ZFAT: variants seen among roughly 807,000 people sequenced by gnomAD.
ZFAT encodes zinc finger and AT-hook domain containing.
In ZFAT, 64 loss-of-function variants were observed where a neutral mutation model predicts 117.7. The observed-to-expected ratio is 0.54, with a 90% CI of 0.44 to 0.67. ZFAT has a LOEUF of 0.67. Among genes scored for constraint, ZFAT ranks in the 30% least tolerant of loss-of-function variants. The pLI is 0.00. For missense variants in ZFAT, 1,433 were observed against 1,584.5 expected, an observed-to-expected ratio of 0.90 and a Z score of 1.62; for synonymous variants, 679 against 615.0, an observed-to-expected ratio of 1.10 and a Z score of -1.54.
At chr8:134,540,292 C>A (rs1822157562) in intron 11 of ZFAT, among the ~76,000 whole-genome samples, 1 of 152,180 alleles carries the variant, frequency 6.6e-6, no homozygotes, top group South Asian at 2.1e-4. Context: ...GGAACTCGAT[C>A]TCCTTCCTCT....
chr8:134,643,701 C>T (rs772793503), intron 2 of ZFAT, among the ~76,000 whole-genome samples: 2 of 152,184 alleles, frequency 1.3e-5, no homozygotes, highest in East Asian at 1.9e-4. Flanking sequence ...CTGTGTGCTC[C>T]GGCACTGGCT....
At chr8:134,813,838 ACG>A in the ZFAT span, among the ~76,000 whole-genome samples, 152 of 145,198 alleles carry the variant, frequency 1.0e-3, no homozygotes, top group African/African-American at 3.8e-3. Flanking sequence ...ACACACACAC[ACG>A]TCAAAGATAC....
chr8:134,712,739 G>GGCGCGGCCGGC, intron 1 of ZFAT, 106 bp downstream of exon 1: 1 of 1,135,924 alleles, frequency 8.8e-7, no homozygotes, highest in Non-Finnish European at 1.2e-6. Flanking sequence ...GCCGGCGGCC[G>GGCGCGGCCGGC]GCGGCCGGCG....
intron 12 of ZFAT, among the ~76,000 whole-genome samples, chr8:134,531,701 C>T (rs890817779): frequency 1.3e-5 from 2 of 152,176 alleles, no homozygotes; most frequent in Non-Finnish European, 2.9e-5. Flanking sequence ...ATTAAGAAAA[C>T]GAAGGCACAT....
intron 7 of ZFAT, among the ~76,000 whole-genome samples, chr8:134,593,007 A>G (rs1258639405): frequency 1.3e-5 from 2 of 152,198 alleles, no homozygotes; most frequent in Non-Finnish European, 2.9e-5. Context: ...ACAGATCCCC[A>G]CACAGGCTAC....
the ZFAT span, among the ~76,000 whole-genome samples, chr8:134,815,701 T>C: frequency 1.4e-3 from 215 of 152,236 alleles, no homozygotes; most frequent in Non-Finnish European, 1.2e-3. Context: ...CTTTGCACTA[T>C]CTCTTCTCTC....
chr8:134,807,807 C>T, the ZFAT span, among the ~76,000 whole-genome samples: 6 of 151,270 alleles, frequency 4.0e-5, no homozygotes, highest in Admixed American at 4.0e-4. Flanking sequence ...CTCTATATAT[C>T]CAATGTTAAA....
chr8:134,714,841 C>A (rs568919614), upstream of ZFAT, among the ~76,000 whole-genome samples: 309 of 152,128 alleles, frequency 2.0e-3, 1 homozygote, highest in African/African-American at 7.2e-3. Flanking sequence ...TGTACCCAAA[C>A]TGCCCCCCAG....
chr8:134,505,454 T>C (rs1373013018), intron 15 of ZFAT, among the ~76,000 whole-genome samples: 2 of 152,166 alleles, frequency 1.3e-5, no homozygotes. Flanking sequence ...TGTTGCCTTA[T>C]ATAGCAAAGA....
At chr8:134,696,826 A>C (rs1163787617) in intron 1 of ZFAT, among the ~76,000 whole-genome samples, 1 of 152,226 alleles carries the variant, frequency 6.6e-6, no homozygotes, top group Non-Finnish European at 1.5e-5. Flanking sequence ...GCAGGCGAGA[A>C]GCGCCCAGCG....
chr8:134,781,924 C>T, the ZFAT span, among the ~76,000 whole-genome samples: 4 of 152,110 alleles, frequency 2.6e-5, no homozygotes, highest in Admixed American at 2.0e-4. Flanking sequence ...ATATAGCATA[C>T]CAAGTATGTG....
intron 15 of ZFAT, among the ~76,000 whole-genome samples, chr8:134,491,110 A>G (rs746821402): frequency 6.6e-6 from 1 of 152,390 alleles, no homozygotes; most frequent in Non-Finnish European, 1.5e-5. Flanking sequence ...ATAAAAATAA[A>G]CAATAACAAC....
the ZFAT span, among the ~76,000 whole-genome samples, chr8:134,830,152 G>A: frequency 2.1e-3 from 321 of 152,242 alleles, no homozygotes; most frequent in Admixed American, 3.3e-3. Context: ...GTGTTGATTT[G>A]TCCAATTCTA....
intron 11 of ZFAT, among the ~76,000 whole-genome samples, chr8:134,556,047 G>GGAAC (rs1440688389): frequency 2.4e-5 from 2 of 83,596 alleles, no homozygotes; most frequent in African/African-American, 9.2e-5. Context: ...AAGGAAGGAA[G>GGAAC]GAAGGAAGGA....
intron 3 of ZFAT, among the ~76,000 whole-genome samples, chr8:134,620,957 C>T (rs1291203599): frequency 6.6e-6 from 1 of 152,144 alleles, no homozygotes; most frequent in East Asian, 1.9e-4. Context: ...AATGAACCCT[C>T]TTCAAATATC....
intron 1 of ZFAT, among the ~76,000 whole-genome samples, chr8:134,701,678 T>C (rs1158145807): frequency 6.6e-6 from 1 of 152,244 alleles, no homozygotes; most frequent in African/African-American, 2.4e-5. Flanking sequence ...TGTTGTCTTT[T>C]GTGTCTGGCT....
At chr8:134,497,919 G>A (rs1459812384) in intron 15 of ZFAT, among the ~76,000 whole-genome samples, 372 of 135,784 alleles carry the variant, frequency 2.7e-3, no homozygotes, top group African/African-American at 9.6e-3. Context: ...GGGTGGAGCC[G>A]TGATGCCCCT....
chr8:134,502,967 C>G (rs1819105960), intron 15 of ZFAT, among the ~76,000 whole-genome samples: 2 of 152,240 alleles, frequency 1.3e-5, no homozygotes, highest in South Asian at 4.1e-4. Flanking sequence ...GGCACTAAAA[C>G]TGGCAGGCAG....
intron 1 of ZFAT, among the ~76,000 whole-genome samples, chr8:134,659,940 A>G (rs1407128426): frequency 6.6e-6 from 1 of 152,238 alleles, no homozygotes; most frequent in Non-Finnish European, 1.5e-5. Context: ...AACACATGAA[A>G]TCAAAATTTA....
Sources: gnomAD v4.1 joint callset for allele counts (sites outside exome capture counted in the v4.1 genomes callset) on GRCh38, gnomAD v4.1.1 for gene constraint, MANE v1.5 for transcripts, NCBI Gene and HGNC (gene_info 2026-07-23, HGNC 2026-07-21) for gene names.